Variants in SLA2 observed in about 807,000 individuals in gnomAD.
SLA2 encodes the protein Src like adaptor 2, also known as src-like-adapter 2.
In SLA2, 22 loss-of-function variants were observed where a neutral mutation model predicts 27.3. The observed-to-expected ratio is 0.81, with a 90% CI of 0.58 to 1.15. The LOEUF (loss-of-function observed/expected upper bound fraction) is 1.15, where lower values mean the gene tolerates loss of function less well. Ranked by LOEUF, SLA2 falls within the 50% of genes most tolerant of loss-of-function variation. The pLI, the probability that SLA2 is intolerant of heterozygous loss-of-function variation, is 0.00. For synonymous variants in SLA2, 131 were observed against 137.8 expected, an observed-to-expected ratio of 0.95 and a Z score of 0.34; for missense variants, 304 against 322.2, an observed-to-expected ratio of 0.94 and a Z score of 0.43.
intron 2 of SLA2, among the ~76,000 whole-genome samples, 196 bp from the exon 3 acceptor site, chr20:36,634,785 C>CAGAGAG (rs113633781): frequency 1.5e-3 from 214 of 147,162 alleles, no homozygotes; most frequent in Middle Eastern, 7.1e-3. Flanking sequence ...TGACAGTGCC[C>CAGAGAG]AGAGAGAGAG....
intron 2 of SLA2, among the ~76,000 whole-genome samples, chr20:36,635,685 G>T (rs1314563599): frequency 6.6e-6 from 1 of 152,122 alleles, no homozygotes; most frequent in Non-Finnish European, 1.5e-5. Context: ...ACAGTGCAGA[G>T]AAATGTCTGA....
At chr20:36,614,974 A>G (rs1020022140) in intron 6 of SLA2, 9 of 985,322 alleles carry the variant, frequency 9.1e-6, no homozygotes, top group Non-Finnish European at 1.2e-6. Flanking sequence ...GCTCTGAGTC[A>G]GAACCAGAGT....
At chr20:36,631,042 A>G (rs993207059) in intron 5 of SLA2, among the ~76,000 whole-genome samples, 5 of 152,196 alleles carry the variant, frequency 3.3e-5, no homozygotes, top group Non-Finnish European at 7.3e-5. Flanking sequence ...TGTCTTGGGG[A>G]AGGAGGAATC....
chr20:36,639,267 A>G (rs2039482425), intron 2 of SLA2, among the ~76,000 whole-genome samples: 1 of 152,192 alleles, frequency 6.6e-6, no homozygotes, highest in Non-Finnish European at 1.5e-5. Flanking sequence ...GGAAGAGGGA[A>G]TTCTGCCTCC....
At chr20:36,619,316 A>G (rs1379228767) in intron 5 of SLA2, among the ~76,000 whole-genome samples, 1 of 151,590 alleles carries the variant, frequency 6.6e-6, no homozygotes, top group Non-Finnish European at 1.5e-5. Flanking sequence ...ACCTGAGGTA[A>G]GGAGTTCAAG....
intron 7 of SLA2, 58 bp downstream of exon 7, chr20:36,614,247 G>A (rs2039178514): frequency 3.1e-6 from 5 of 1,613,390 alleles, no homozygotes; most frequent in Non-Finnish European, 4.2e-6. Context: ...GCTTCCCAGG[G>A]GTGGGTCCTT....
chr20:36,636,903 A>T (rs1600831376), intron 2 of SLA2, among the ~76,000 whole-genome samples: 1 of 151,816 alleles, frequency 6.6e-6, no homozygotes, highest in Non-Finnish European at 1.5e-5. Context: ...GTGAGCCAAG[A>T]TGGCGCCATT....
chr20:36,614,043 C>A, intron 7 of SLA2, 57 bp from the exon 8 acceptor site: 1 of 1,602,090 alleles, frequency 6.2e-7, no homozygotes, highest in Non-Finnish European at 8.5e-7. Context: ...CCTGTACTCA[C>A]TACACACAAA....
intron 5 of SLA2, among the ~76,000 whole-genome samples, chr20:36,630,001 T>A (rs2039378009): frequency 6.6e-6 from 1 of 151,862 alleles, no homozygotes; most frequent in Non-Finnish European, 1.5e-5. Flanking sequence ...TCTTTGCATC[T>A]GTGTCTTTTT....
At chr20:36,629,224 G>A (rs917498210) in intron 5 of SLA2, among the ~76,000 whole-genome samples, 3 of 151,792 alleles carry the variant, frequency 2.0e-5, no homozygotes, top group South Asian at 2.1e-4. Context: ...CACCATGCCC[G>A]GCTAATTTTT....
intron 5 of SLA2, among the ~76,000 whole-genome samples, chr20:36,631,953 G>A (rs1475546129): frequency 3.9e-5 from 6 of 152,186 alleles, no homozygotes; most frequent in African/African-American, 1.4e-4. Context: ...GAAGTCTTGT[G>A]TTAACACGGA....
Position 36,642,025 on chromosome 20 carries a change from G to T in SLA2, c.-43-647C>A, listed in dbSNP as rs182945588. Among the ~76,000 whole-genome samples, 40 of 148,046 alleles carry T rather than the reference G, an allele frequency of 2.7e-4. No homozygotes were observed. The East Asian group carries it at 8.0e-3, about 30-fold the overall frequency. On this transcript the variant is annotated intron_variant, in intron 1 of 7. Transcript: ENST00000262866. ...CTAAAAATACAAAGATTAGCTGGGC[G>T]TGGTGGTGTGTACCTGTAGTCCCAG...
intron 5 of SLA2, among the ~76,000 whole-genome samples, chr20:36,629,654 A>T (rs1600825895): frequency 6.6e-6 from 1 of 152,112 alleles, no homozygotes; most frequent in East Asian, 1.9e-4. Flanking sequence ...TGTGCCTGTC[A>T]TCCCAGCTAC....
At chr20:36,628,951 C>T (rs1057309023) in intron 5 of SLA2, among the ~76,000 whole-genome samples, 8 of 152,128 alleles carry the variant, frequency 5.3e-5, no homozygotes, top group African/African-American at 1.9e-4. Flanking sequence ...CTTTTCTCCT[C>T]CCCCAACTAA....
chr20:36,615,418 GA>G, intron 5 of SLA2, 44 bp from the exon 6 acceptor site: 1 of 1,610,058 alleles, frequency 6.2e-7, no homozygotes, highest in Non-Finnish European at 8.5e-7. Context: ...GCCCTGCTGG[GA>G]CTCGGCCCCA....
chr20:36,617,533 CAAAAAAAAAAA>C (rs1159077334), intron 5 of SLA2, among the ~76,000 whole-genome samples: 1 of 56,806 alleles, frequency 1.8e-5, no homozygotes, highest in African/African-American at 6.2e-5. Flanking sequence ...GACCCTGTCT[CAAAAAAAAAAA>C]AAAAAAAAAA....
At chr20:36,632,228 G>T (rs1230685562) in intron 5 of SLA2, among the ~76,000 whole-genome samples, 1 of 152,114 alleles carries the variant, frequency 6.6e-6, no homozygotes, top group Non-Finnish European at 1.5e-5. Flanking sequence ...ATTGTCCCGA[G>T]GTGCAGCCCA....
At chr20:36,614,224 A>T (rs1390082566) in intron 7 of SLA2, 81 bp downstream of exon 7, 42 of 1,607,214 alleles carry the variant, frequency 2.6e-5, no homozygotes, top group Non-Finnish European at 3.5e-5. Flanking sequence ...TGACAGGTAC[A>T]TTCCGGGTTG....
chr20:36,614,168 G>A (rs1486700988), intron 7 of SLA2, 137 bp downstream of exon 7: 24 of 1,499,294 alleles, frequency 1.6e-5, no homozygotes, highest in Non-Finnish European at 2.2e-5. Flanking sequence ...TGCTCCAGGA[G>A]TTGAGTCAGT....
Sources: allele counts gnomAD v4.1 joint callset (sites outside exome capture counted in the v4.1 genomes callset), GRCh38; gene constraint gnomAD v4.1.1; transcripts MANE v1.5; gene names NCBI Gene and HGNC (gene_info 2026-07-23, HGNC 2026-07-21).